The following UBE2E2 variants were observed in gnomAD, a reference collection of about 807,000 sequenced individuals.
UBE2E2 encodes the protein ubiquitin-conjugating enzyme E2 E2.
Under a neutral mutation model 24.7 loss-of-function variants are expected in UBE2E2, and 6 were observed. The ratio of observed to expected loss-of-function variants is 0.24; its 90% confidence interval spans 0.13 to 0.48. The LOEUF is 0.48. Among genes scored for constraint, UBE2E2 ranks in the 20% least tolerant of loss-of-function variants. UBE2E2 has a pLI of 0.99. For synonymous variants in UBE2E2, 104 were observed against 83.6 expected (o/e 1.24, Z -1.33); for missense variants, 169 against 245.0 (o/e 0.69, Z 2.07).
intron 3 of UBE2E2, chr3:23,270,969 G>T (rs114402082): frequency 1.3e-3 from 588 of 456,706 alleles, no homozygotes; most frequent in African/African-American, 0.011. Context: ...GATTCGATCT[G>T]CTTGCATCTC....
intron 3 of UBE2E2, among the ~76,000 whole-genome samples, chr3:23,465,583 T>G (rs41400550): frequency 0.054 from 8,207 of 152,228 alleles, 248 homozygotes; most frequent in South Asian, 0.14. Context: ...AATTGGAAAT[T>G]CATTAGCCAG....
chr3:23,361,236 A>G (rs1270056702), intron 3 of UBE2E2, among the ~76,000 whole-genome samples: 2 of 152,214 alleles, frequency 1.3e-5, no homozygotes, highest in Non-Finnish European at 2.9e-5. Flanking sequence ...CTGGGAATGT[A>G]AACTAGTACA....
At chr3:23,484,038 C>T (rs918255488) in intron 3 of UBE2E2, among the ~76,000 whole-genome samples, 2 of 152,144 alleles carry the variant, frequency 1.3e-5, no homozygotes, top group African/African-American at 2.4e-5. Flanking sequence ...TTGAATATCA[C>T]GGTTCTCCAG....
intron 5 of UBE2E2, among the ~76,000 whole-genome samples, chr3:23,535,036 G>C (rs1695218290): frequency 6.6e-6 from 1 of 152,148 alleles, no homozygotes; most frequent in Non-Finnish European, 1.5e-5. Flanking sequence ...TTCCAACACA[G>C]ATGTTCTTTA....
At chr3:23,365,427 G>A (rs1696227015) in intron 3 of UBE2E2, among the ~76,000 whole-genome samples, 2 of 152,270 alleles carry the variant, frequency 1.3e-5, no homozygotes, top group East Asian at 3.9e-4. Context: ...AGTCTCAGAA[G>A]ACAAAATCAG....
chr3:23,272,024 G>A (rs759528840), intron 3 of UBE2E2, among the ~76,000 whole-genome samples: 6 of 152,188 alleles, frequency 3.9e-5, no homozygotes, highest in Non-Finnish European at 7.4e-5. Flanking sequence ...CCCGCACGGC[G>A]CCTGCACTTC....
intron 3 of UBE2E2, among the ~76,000 whole-genome samples, chr3:23,437,227 A>T (rs528976819): frequency 6.6e-6 from 1 of 152,152 alleles, no homozygotes; most frequent in South Asian, 2.1e-4. Context: ...ACTCATCCTT[A>T]CATGTCTGAC....
intron 3 of UBE2E2, among the ~76,000 whole-genome samples, chr3:23,441,292 A>G (rs1216661382): frequency 6.6e-6 from 1 of 150,518 alleles, no homozygotes; most frequent in African/African-American, 2.5e-5. Flanking sequence ...TGGGAGGCCA[A>G]GGCGGGCAGA....
chr3:23,536,659 A>G (rs1158293506), intron 5 of UBE2E2, among the ~76,000 whole-genome samples: 2 of 152,222 alleles, frequency 1.3e-5, no homozygotes, highest in African/African-American at 4.8e-5. Context: ...AGACATCTGT[A>G]CTGGACTATT....
chr3:23,220,396 T>G (rs2125324256), intron 3 of UBE2E2, among the ~76,000 whole-genome samples: 1 of 152,334 alleles, frequency 6.6e-6, no homozygotes, highest in South Asian at 2.1e-4. Context: ...ACTCACAGTT[T>G]AATGGGTAAA....
intron 5 of UBE2E2, among the ~76,000 whole-genome samples, chr3:23,574,084 G>C (rs925072952): frequency 6.6e-6 from 1 of 152,156 alleles, no homozygotes; most frequent in African/African-American, 2.4e-5. Context: ...CATGGACGGA[G>C]CTGGAGGTCA....
chr3:23,326,163 T>A (rs576889210), intron 3 of UBE2E2, among the ~76,000 whole-genome samples: 10 of 152,102 alleles, frequency 6.6e-5, no homozygotes, highest in Non-Finnish European at 1.5e-4. Context: ...CCTCCACCCC[T>A]GGGGTTCAAG....
chr3:23,456,977 C>T (rs1216196302), intron 3 of UBE2E2, among the ~76,000 whole-genome samples: 1 of 152,128 alleles, frequency 6.6e-6, no homozygotes, highest in Non-Finnish European at 1.5e-5. Flanking sequence ...GGATGACAGT[C>T]CATTTACCAT....
intron 3 of UBE2E2, among the ~76,000 whole-genome samples, chr3:23,453,345 C>G (rs1396470129): frequency 6.6e-6 from 1 of 150,936 alleles, no homozygotes; most frequent in African/African-American, 2.4e-5. Context: ...CCATTTGTTT[C>G]TGTTTTTTTT....
At chr3:23,413,482 C>A (rs749250582) in intron 3 of UBE2E2, among the ~76,000 whole-genome samples, 17 of 152,254 alleles carry the variant, frequency 1.1e-4, no homozygotes, top group South Asian at 6.2e-4. Context: ...CCTTTCCCTG[C>A]AGTGCCCCAG....
At chr3:23,258,001 G>C (rs1697783494) in intron 3 of UBE2E2, among the ~76,000 whole-genome samples, 2 of 152,002 alleles carry the variant, frequency 1.3e-5, no homozygotes, top group Admixed American at 1.3e-4. Flanking sequence ...ATTAAAAAAA[G>C]GTTAATGAGA....
chr3:23,278,324 A>G (rs1194027707), intron 3 of UBE2E2, among the ~76,000 whole-genome samples: 1 of 152,144 alleles, frequency 6.6e-6, no homozygotes, highest in Non-Finnish European at 1.5e-5. Flanking sequence ...AATCCAGAAA[A>G]TTAAGAAATA....
chr3:23,211,058 A>T (rs995930711), intron 2 of UBE2E2, among the ~76,000 whole-genome samples: 1 of 152,086 alleles, frequency 6.6e-6, no homozygotes, highest in Non-Finnish European at 1.5e-5. Flanking sequence ...AGCACAGAGG[A>T]CCCCACATCT....
intron 4 of UBE2E2, among the ~76,000 whole-genome samples, chr3:23,512,500 A>T (rs1325045993): frequency 4.0e-4 from 46 of 115,020 alleles, no homozygotes; most frequent in Non-Finnish European, 1.3e-4. Context: ...TGGCCTCCCA[A>T]AGTGCTAGTA....
Sources: allele counts gnomAD v4.1 joint callset (sites outside exome capture counted in the v4.1 genomes callset), GRCh38; gene constraint gnomAD v4.1.1; transcripts MANE v1.5; gene names NCBI Gene and HGNC (gene_info 2026-07-23, HGNC 2026-07-21).